Variants in SH3RF1 observed in about 807,000 individuals in gnomAD.
SH3RF1 encodes the protein SH3 domain containing ring finger 1.
In SH3RF1, 32 loss-of-function variants were observed where a neutral mutation model predicts 74.0. The ratio of observed to expected loss-of-function variants is 0.43; its 90% CI spans 0.33 to 0.58. The LOEUF is 0.58. SH3RF1 is among the 20% of genes least tolerant of loss of function. The probability of loss-of-function intolerance (pLI) is 0.05; values close to 1 mark genes in which losing one functional copy is unlikely to be tolerated. For missense variants in SH3RF1, 954 were observed against 1,130.9 expected, an observed-to-expected ratio of 0.84 and a Z score of 2.24; for synonymous variants, 396 against 439.6, an observed-to-expected ratio of 0.90 and a Z score of 1.24.
At chr4:169,167,288 G>C (rs959851495) in intron 2 of SH3RF1, among the ~76,000 whole-genome samples, 2 of 152,154 alleles carry the variant, frequency 1.3e-5, no homozygotes, top group Admixed American at 1.3e-4. Context: ...GCGTTCATTA[G>C]AATGATTAAA....
chr4:169,249,770 T>G (rs768405496), intron 2 of SH3RF1, among the ~76,000 whole-genome samples: 60 of 152,174 alleles, frequency 3.9e-4, no homozygotes, highest in Non-Finnish European at 7.5e-4. Context: ...TAAAGTACAG[T>G]AACTGTGAGG....
At chr4:169,260,173 C>T (rs1009049220) in intron 2 of SH3RF1, among the ~76,000 whole-genome samples, 4 of 152,186 alleles carry the variant, frequency 2.6e-5, no homozygotes, top group African/African-American at 9.6e-5. Flanking sequence ...GCAAAATAGT[C>T]AGGGGCTTGA....
intron 2 of SH3RF1, among the ~76,000 whole-genome samples, chr4:169,200,893 T>C (rs1372092805): frequency 6.6e-6 from 1 of 152,166 alleles, no homozygotes; most frequent in African/African-American, 2.4e-5. Flanking sequence ...AGAACAGCTA[T>C]GAGGTCCCTG....
intron 2 of SH3RF1, among the ~76,000 whole-genome samples, chr4:169,212,839 T>C (rs754784518): frequency 9.8e-5 from 15 of 152,348 alleles, no homozygotes; most frequent in East Asian, 1.9e-4. Flanking sequence ...AAAAAAATCC[T>C]GCGTGCTCAA....
At chr4:169,240,923 G>C (rs1335096487) in intron 2 of SH3RF1, among the ~76,000 whole-genome samples, 3 of 152,164 alleles carry the variant, frequency 2.0e-5, no homozygotes, top group African/African-American at 7.2e-5. Flanking sequence ...TAAGTGAAGT[G>C]AAGCTTTCCT....
intron 4 of SH3RF1, among the ~76,000 whole-genome samples, chr4:169,137,320 GC>G (rs1733716864): frequency 1.3e-5 from 2 of 152,110 alleles, no homozygotes; most frequent in Admixed American, 1.3e-4. Flanking sequence ...TATCTGAAAA[GC>G]CCCAGTGTAA....
rs1296463281 is a variant in SH3RF1, at chr4:169,156,401, T to C, written c.669+3A>G. Reference sequence around the variant, plus strand: ...ACAGAAAACAAGCACATTCTACCTTTACCTTTGCAAATGGAAGGCAATCTT... The same window carrying C: ...ACAGAAAACAAGCACATTCTACCTTCACCTTTGCAAATGGAAGGCAATCTT... On this transcript the variant is annotated splice_donor_region_variant and intron_variant, in intron 3 of 11. Transcript: ENST00000284637. 1 of 1,582,498 alleles carries C rather than the reference T, an allele frequency of 6.3e-7. No homozygotes were observed. Among genetic ancestry groups the C allele is most frequent in the Admixed American group, 1.7e-5 (1 of 57,772 alleles).
chr4:169,241,915 C>A (rs2110735847), intron 2 of SH3RF1, among the ~76,000 whole-genome samples: 1 of 152,102 alleles, frequency 6.6e-6, no homozygotes, highest in South Asian at 2.1e-4. Flanking sequence ...AGTTAAACAG[C>A]AGAAAGCACA....
chr4:169,161,247 C>T (rs1390494144), intron 2 of SH3RF1, among the ~76,000 whole-genome samples: 2 of 152,210 alleles, frequency 1.3e-5, no homozygotes, highest in African/African-American at 2.4e-5. Flanking sequence ...GACAGGCAAA[C>T]TGTTACAGTA....
In SH3RF1 at chr4:169,187,290, T is replaced by A. The variant is rs886395123; in HGVS notation, c.394-30611A>T. Among the ~76,000 whole-genome samples the A allele has an allele frequency of 5.9e-5, 9 of 152,122 alleles. 1 individual carries two copies. Among genetic ancestry groups the A allele is most frequent in the African/African-American group, 1.9e-4 (8 of 41,410 alleles). ...CTTGGCTCATTGCAGCCTCCCAGGCTCAAGTGATCCTCCCATCTCAAGCCT... is the reference window on the plus strand; with the variant it reads ...CTTGGCTCATTGCAGCCTCCCAGGCACAAGTGATCCTCCCATCTCAAGCCT... On this transcript the variant is annotated intron_variant, in intron 2 of 11. Transcript: ENST00000284637.
At chr4:169,176,787 C>T (rs1412552339) in intron 2 of SH3RF1, among the ~76,000 whole-genome samples, 2 of 152,158 alleles carry the variant, frequency 1.3e-5, no homozygotes, top group Non-Finnish European at 2.9e-5. Flanking sequence ...GCAATCCACC[C>T]GCCTCAGCCT....
intron 2 of SH3RF1, among the ~76,000 whole-genome samples, chr4:169,267,344 A>G (rs921687882): frequency 6.6e-6 from 1 of 151,772 alleles, no homozygotes; most frequent in African/African-American, 2.4e-5. Flanking sequence ...AAACCTTTCC[A>G]AAGATGCAAA....
chr4:169,184,931 G>A lies in SH3RF1; in HGVS notation c.394-28252C>T, dbSNP rs577247776. On this transcript the variant is annotated intron_variant, in intron 2 of 11. Coordinates refer to ENST00000284637, the MANE Select transcript of SH3RF1 (RefSeq NM_020870.4). ...GTTTTATTTCCTGATTCCAACTCTAGGTCCCTCACCTTAGTTTTCAAATAG... is the reference window on the plus strand; with the variant it reads ...GTTTTATTTCCTGATTCCAACTCTAAGTCCCTCACCTTAGTTTTCAAATAG... Among the ~76,000 whole-genome samples the A allele has an allele frequency of 2.2e-3, 337 of 152,200 alleles. 2 individuals are homozygous for A. In the South Asian group the frequency reaches 0.023, roughly 11 times the overall value.
chr4:169,251,674 T>C (rs1731107392), intron 2 of SH3RF1, among the ~76,000 whole-genome samples: 1 of 152,186 alleles, frequency 6.6e-6, no homozygotes, highest in Admixed American at 6.5e-5. Flanking sequence ...ATCTCCCTTT[T>C]ATGAAAGGAG....
intron 2 of SH3RF1, among the ~76,000 whole-genome samples, chr4:169,224,768 A>G (rs1476635372): frequency 6.6e-6 from 1 of 152,228 alleles, no homozygotes; most frequent in Non-Finnish European, 1.5e-5. Flanking sequence ...CTCAGATGTA[A>G]TAAGATGAGG....
In SH3RF1 at chr4:169,170,963, G is replaced by A. The variant is rs372368907; in HGVS notation, c.394-14284C>T. 1.6e-4 allele frequency among the ~76,000 whole-genome samples: 25 copies of A among 152,314 alleles called. No individual in the cohort carries two copies. In the East Asian group the frequency reaches 4.4e-3, roughly 27 times the overall value. ...GAACTGTAAAATAAATACAGTAATT[G>A]AAGGAAATTTTCCTGAACTAAAAAC... On this transcript the variant is annotated intron_variant, in intron 2 of 11. Transcript: ENST00000284637.
chr4:169,117,417 C>T, intron 9 of SH3RF1, 106 bp downstream of exon 9: 1 of 1,508,794 alleles, frequency 6.6e-7, no homozygotes. Flanking sequence ...TAATGTTGTT[C>T]ATTATTAAAA....
intron 2 of SH3RF1, among the ~76,000 whole-genome samples, chr4:169,252,298 T>C (rs1731118210): frequency 6.6e-6 from 1 of 152,242 alleles, no homozygotes; most frequent in Non-Finnish European, 1.5e-5. Context: ...GCTAAAATAT[T>C]ACTTCTCTCT....
chr4:169,116,396 C>G lies in SH3RF1; in HGVS notation c.2012G>C (p.Ser671Thr). The change falls in exon 10 of 12, where the codon AGT becomes ACT. Residue 671 changes from serine to threonine, a missense_variant. Ser to Thr is a moderately conservative substitution (Grantham distance 58). This residue lies in a region of SH3RF1 where 854 missense variants were observed against 962.5 expected (regional missense o/e 0.89). Transcript: ENST00000284637. ...ACTGGGCTCAGCCTCCAGAGAAGCA[C>G]TGGTGATGCTTGGGGAAGTCAGTGG... ...AAPLTSPSIT[S>T]ASLEAEPSGR... The G allele has an allele frequency of 6.2e-7, 1 of 1,614,158 alleles. No homozygotes were observed.
Sources: allele counts gnomAD v4.1 joint callset (sites outside exome capture counted in the v4.1 genomes callset), GRCh38; gene constraint gnomAD v4.1.1; regional missense constraint gnomAD v4.1.1; transcripts MANE v1.5; gene names NCBI Gene and HGNC (gene_info 2026-07-23, HGNC 2026-07-21).